MUC13: variants seen among roughly 807,000 people sequenced by gnomAD.
The protein encoded by MUC13 is mucin 13, cell surface associated.
A neutral mutation model predicts 48.3 loss-of-function variants in MUC13; 32 were observed. The ratio of observed to expected loss-of-function variants is 0.66; its 90% CI spans 0.50 to 0.89. MUC13 has a LOEUF of 0.89. MUC13 is among the 40% of genes least tolerant of loss of function. The pLI is 0.00. For missense variants in MUC13, 571 were observed against 622.8 expected, an observed-to-expected ratio of 0.92 and a Z score of 0.88; for synonymous variants, 199 against 224.9, an observed-to-expected ratio of 0.88 and a Z score of 1.03.
At chr3:124,912,316 C>T in intron 8 of MUC13, 175 bp from the exon 9 acceptor site, 2 of 922,662 alleles carry the variant, frequency 2.2e-6, no homozygotes, top group Admixed American at 2.7e-5. Flanking sequence ...AGGAGACCAC[C>T]TTCCATGGGG....
intron 10 of MUC13, among the ~76,000 whole-genome samples, chr3:124,909,659 T>C (rs1222494995): frequency 2.0e-5 from 3 of 151,898 alleles, no homozygotes; most frequent in Non-Finnish European, 4.4e-5. Context: ...GCCACCACCA[T>C]GCCCGGCTAA....
chr3:124,918,657 C>T (rs1271226686), intron 5 of MUC13, among the ~76,000 whole-genome samples: 6 of 152,354 alleles, frequency 3.9e-5, no homozygotes, highest in South Asian at 2.1e-4. Context: ...GAACACCTGC[C>T]TGGTCACTCA....
intron 6 of MUC13, among the ~76,000 whole-genome samples, chr3:124,914,762 C>A (rs1411593016): frequency 6.6e-6 from 1 of 151,960 alleles, no homozygotes; most frequent in Non-Finnish European, 1.5e-5. Context: ...ACCGTCTCTA[C>A]TAAAAATACA....
In MUC13 at chr3:124,913,432, G is replaced by A. The variant is rs16836194; in HGVS notation, c.1084+130C>T. 3,062 of 1,506,470 alleles carry A rather than the reference G, an allele frequency of 2.0e-3. 59 individuals are homozygous for A. In the African/African-American group the frequency reaches 0.037, roughly 18 times the overall value. The allele number at this position is 1,506,470 out of a possible 1,614,324, so 93.3% of individuals were successfully genotyped here. A position where few individuals can be genotyped will look rare whatever the true frequency, so the allele number is the denominator to read the frequency against. On this transcript the variant is annotated intron_variant, in intron 7 of 11. Coordinates refer to ENST00000616727, the MANE Select transcript of MUC13 (RefSeq NM_033049.4). ...CAAAGGTCCCAGCCATGGTCCATAT[G>A]TCTAAAGTCAGAAGTCAGATCACTC...
intron 9 of MUC13, among the ~76,000 whole-genome samples, chr3:124,910,818 C>T (rs1037945430): frequency 6.6e-6 from 1 of 152,186 alleles, no homozygotes; most frequent in Non-Finnish European, 1.5e-5. Flanking sequence ...CCCTCCTTAC[C>T]TCTGCTGCCT....
chr3:124,926,826 C>T (rs1379444272), intron 2 of MUC13, among the ~76,000 whole-genome samples: 1 of 152,220 alleles, frequency 6.6e-6, no homozygotes, highest in East Asian at 1.9e-4. Context: ...ACAACAGAGA[C>T]CCCACATGGC....
chr3:124,928,997 G>C (rs866147244), intron 1 of MUC13, among the ~76,000 whole-genome samples: 1 of 152,114 alleles, frequency 6.6e-6, no homozygotes, highest in Admixed American at 6.5e-5. Flanking sequence ...TATTCTAGTA[G>C]TGTTTTCCCA....
At position 124,913,158 on chromosome 3, in the gene MUC13, A is replaced by C. The variant is rs776842324; in HGVS notation, c.1167T>G (p.Cys389Trp). 8.7e-6 allele frequency: 14 copies of C among 1,613,960 alleles called. No homozygotes were observed. The highest frequency in any genetic ancestry group is 2.5e-6 in the Non-Finnish European group (3 of 1,180,022). Residue 389 changes from cysteine to tryptophan, a missense_variant, in exon 8 of 12, where the codon TGT becomes TGG. Transcript: ENST00000616727. ...CTTCCTGGTAGCCGGGCACGCACGCACACTCAGGGGCCCCACCACTCTTCT... is the reference window on the plus strand; with the variant it reads ...CTTCCTGGTAGCCGGGCACGCACGCCCACTCAGGGGCCCCACCACTCTTCT... ...LIKKSGGAPECACVPGYQEDA... is the reference protein window; with the variant it reads ...LIKKSGGAPEWACVPGYQEDA...
chr3:124,920,222 T>A lies in MUC13; in HGVS notation c.800+12A>T. The A allele has an allele frequency of 6.2e-7, 1 of 1,601,256 alleles. No individual in the cohort carries two copies. The highest frequency in any genetic ancestry group is 8.5e-7 in the Non-Finnish European group (1 of 1,171,968). On this transcript the variant is annotated intron_variant, in intron 5 of 11. Coordinates refer to ENST00000616727, the MANE Select transcript of MUC13 (RefSeq NM_033049.4). ...ACACATCTGCCTCCAAAATTGTCCA[T>A]AACAAACTTACCTTACAGTAAGAAT...
chr3:124,908,390 A>G, intron 10 of MUC13, 42 bp from the exon 11 acceptor site: 1 of 1,426,190 alleles, frequency 7.0e-7, no homozygotes, highest in Non-Finnish European at 9.8e-7. Context: ...AATGGCAGAA[A>G]GTTTCTTGAA....
Position 124,910,434 on chromosome 3 carries a change from C to T in MUC13, c.1318G>A (p.Ala440Thr). The T allele has an allele frequency of 6.2e-7, 1 of 1,613,930 alleles. No individual in the cohort carries two copies. Residue 440 changes from alanine (A) to threonine (T), a missense_variant, in exon 10 of 12, where the codon GCA becomes ACA. By Grantham distance (58) the Ala-to-Thr change is moderately conservative. Coordinates refer to ENST00000616727, the MANE Select transcript of MUC13 (RefSeq NM_033049.4). Reference sequence around the variant, plus strand: ...CCATACCTTGCTGTGACAATCAATGCAATTATCATGCTGAGAATGACAATG... The same window carrying T: ...CCATACCTTGCTGTGACAATCAATGTAATTATCATGCTGAGAATGACAATG... ...AGIVILSMII[A>T]LIVTARSNNK...
Position 124,916,427 on chromosome 3 carries a change from A to C in MUC13, c.854T>G (p.Val285Gly). Residue 285 changes from valine to glycine, a missense_variant, in exon 6 of 12, where the codon GTA (valine) becomes GGA (glycine). Coordinates refer to ENST00000616727, the MANE Select transcript of MUC13 (RefSeq NM_033049.4). ...TTCTGCCAAAATTGTTACTATTGTT[A>C]CATTAACAAACTTGTCATCAGCACG... is the stretch of plus-strand genomic sequence containing the variant. ...EMRADDKFVN[V>G]TIVTILAETT... 6.2e-7 allele frequency: 1 copy of C among 1,613,784 alleles called. No individual in the cohort carries two copies. The highest frequency in any genetic ancestry group is 8.5e-7 in the Non-Finnish European group (1 of 1,179,874).
intron 6 of MUC13, among the ~76,000 whole-genome samples, chr3:124,915,697 T>C (rs761451239): frequency 2.6e-5 from 4 of 152,174 alleles, no homozygotes; most frequent in African/African-American, 4.8e-5. Context: ...GGGAAAATAG[T>C]ACGGGTAATG....
intron 4 of MUC13, among the ~76,000 whole-genome samples, 165 bp downstream of exon 4, chr3:124,922,032 C>T (rs1343581564): frequency 2.0e-5 from 3 of 152,156 alleles, no homozygotes; most frequent in Admixed American, 6.5e-5. Flanking sequence ...CCGGTGGAGG[C>T]GCTCAGGACA....
intron 2 of MUC13, among the ~76,000 whole-genome samples, chr3:124,924,230 A>G (rs1935651684): frequency 1.3e-5 from 2 of 152,256 alleles, no homozygotes; most frequent in African/African-American, 2.4e-5. Context: ...AAGACATTCC[A>G]GCCTCTGGCT....
chr3:124,926,228 C>T (rs1935684805), intron 2 of MUC13, among the ~76,000 whole-genome samples: 3 of 152,164 alleles, frequency 2.0e-5, no homozygotes, highest in Non-Finnish European at 4.4e-5. Context: ...CAGGATGTTA[C>T]AGCCAGAAGA....
chr3:124,920,675 G>A (rs1203292631), intron 4 of MUC13, among the ~76,000 whole-genome samples: 1 of 152,180 alleles, frequency 6.6e-6, no homozygotes, highest in African/African-American at 2.4e-5. Context: ...GGGGCATAAG[G>A]CCTGTAACTG....
intron 3 of MUC13, among the ~76,000 whole-genome samples, chr3:124,922,642 T>A (rs1935618931): frequency 6.6e-6 from 1 of 150,848 alleles, no homozygotes; most frequent in Non-Finnish European, 1.5e-5. Context: ...GGTCTTGCTC[T>A]ATCACCCAGG....
intron 1 of MUC13, among the ~76,000 whole-genome samples, chr3:124,928,868 T>G (rs539856891): frequency 6.6e-6 from 1 of 152,198 alleles, no homozygotes; most frequent in African/African-American, 2.4e-5. Flanking sequence ...TTAAGGCAAC[T>G]GTCCCATTTT....
Sources: gnomAD v4.1 joint callset for allele counts (sites outside exome capture counted in the v4.1 genomes callset) on GRCh38, gnomAD v4.1.1 for gene constraint, MANE v1.5 for transcripts, NCBI Gene and HGNC (gene_info 2026-07-23, HGNC 2026-07-21) for gene names.